Variants in VAV2 observed in about 807,000 individuals in gnomAD.
The protein encoded by VAV2 is guanine nucleotide exchange factor VAV2.
VAV2 carries 67 observed loss-of-function variants against 132.5 expected under a neutral mutation model. That is an observed-to-expected ratio of 0.51 (90% CI 0.42 to 0.62). The LOEUF is 0.62. Among genes scored for constraint, VAV2 ranks in the 20% least tolerant of loss-of-function variants. VAV2 has a pLI of 0.00. For synonymous variants in VAV2, 492 were observed against 443.5 expected, an observed-to-expected ratio of 1.11 and a Z score of -1.37; for missense variants, 938 against 1,153.6, an observed-to-expected ratio of 0.81 and a Z score of 2.71.
chr9:133,990,047 G>A (rs531365687), intron 1 of VAV2, among the ~76,000 whole-genome samples: 19 of 152,326 alleles, frequency 1.2e-4, no homozygotes, highest in African/African-American at 4.3e-4. Context: ...GCATGGCTAC[G>A]AGGGGACTGC....
chr9:133,913,792 G>A (rs974897409), intron 2 of VAV2, among the ~76,000 whole-genome samples: 7 of 152,220 alleles, frequency 4.6e-5, no homozygotes, highest in African/African-American at 1.4e-4. Context: ...CCGGCTGTAC[G>A]CTCGTGGGAG....
chr9:133,903,222 G>A (rs895724979), intron 2 of VAV2, among the ~76,000 whole-genome samples: 1 of 152,140 alleles, frequency 6.6e-6, no homozygotes, highest in South Asian at 2.1e-4. Flanking sequence ...GAAGGCACCA[G>A]CCCCGCCGCC....
chr9:133,862,527 T>C (rs760380348), intron 2 of VAV2, among the ~76,000 whole-genome samples: 32 of 152,348 alleles, frequency 2.1e-4, no homozygotes, highest in East Asian at 1.2e-3. Context: ...GCATGTTGCT[T>C]GTGCGTGCTA....
intron 25 of VAV2, 118 bp downstream of exon 25, chr9:133,774,816 TG>T: frequency 2.3e-6 from 2 of 885,904 alleles, no homozygotes; most frequent in Non-Finnish European, 3.6e-6. Flanking sequence ...TGTCCTCACT[TG>T]GCAACAGATG....
In VAV2 at chr9:133,905,402, C is replaced by T. The variant is rs189407082; in HGVS notation, c.321+33701G>A. 3.7e-3 allele frequency among the ~76,000 whole-genome samples: 514 copies of T among 138,878 alleles called. 5 individuals are homozygous for T. Among genetic ancestry groups the T allele is most frequent in the African/African-American group, 0.013 (486 of 37,148 alleles). 91.1% of individuals were successfully genotyped at this position (138,878 alleles called of 152,430 possible). A position where few individuals can be genotyped will look rare whatever the true frequency, so the allele number is the denominator to read the frequency against. ...AGTGAGCCAAGATTGTGCCACTGCA[C>T]TCCAGCCTGGGTGACAGAGTGAAAC... On this transcript the variant is annotated intron_variant, in intron 2 of 29. Transcript: ENST00000371850.
rs1838611759 is a variant in VAV2, at chr9:133,884,220, C to A, written c.322-22788G>T. 6.6e-6 allele frequency among the ~76,000 whole-genome samples: 1 copy of A among 152,128 alleles called. No homozygotes were observed. Among genetic ancestry groups the A allele is most frequent in the African/African-American group, 2.4e-5 (1 of 41,424 alleles). ...GAATCCAAAATAAATGGTAACCAAC[C>A]CCCACGTGCACACGTGCAATGAAGC... On this transcript the variant is annotated intron_variant, in intron 2 of 29. Transcript: ENST00000371850. This position sits in a 1 kb window ranked among gnomAD's most constrained non-coding sequence, Gnocchi z 5.3.
At chr9:133,783,664 C>T (rs1393326785) in intron 18 of VAV2, 73 bp from the exon 19 acceptor site, 22 of 1,400,050 alleles carry the variant, frequency 1.6e-5, no homozygotes. Flanking sequence ...AAGGTCAAGG[C>T]CCTTGTCCCC....
chr9:133,795,265 G>A (rs1834661353), intron 12 of VAV2, among the ~76,000 whole-genome samples: 1 of 152,228 alleles, frequency 6.6e-6, no homozygotes, highest in Non-Finnish European at 1.5e-5. Flanking sequence ...CAGGAGCGAA[G>A]GAGCTCCCCA....
At chr9:133,777,239 G>A in intron 23 of VAV2, 150 bp downstream of exon 23, 2 of 738,484 alleles carry the variant, frequency 2.7e-6, no homozygotes, top group Non-Finnish European at 4.6e-6. Context: ...TCTTCTCTCT[G>A]GGCTCCAGCT....
chr9:133,816,842 C>A (rs1457820688), intron 4 of VAV2, among the ~76,000 whole-genome samples: 1 of 152,232 alleles, frequency 6.6e-6, no homozygotes, highest in Non-Finnish European at 1.5e-5. Flanking sequence ...CTACTCTATT[C>A]CATCCATCTA....
chr9:133,841,439 C>A (rs1278438281), intron 3 of VAV2, among the ~76,000 whole-genome samples: 2 of 152,086 alleles, frequency 1.3e-5, no homozygotes, highest in Non-Finnish European at 2.9e-5. Flanking sequence ...GCCCTGGAGT[C>A]CTGGCCCTGT....
chr9:133,874,813 C>T (rs1838199057), intron 2 of VAV2, among the ~76,000 whole-genome samples: 1 of 152,014 alleles, frequency 6.6e-6, no homozygotes, highest in Admixed American at 6.5e-5. Context: ...CCCTAGGATC[C>T]ATCTCCCTCC....
chr9:133,814,646 C>T (rs923207346), intron 4 of VAV2, among the ~76,000 whole-genome samples: 4 of 152,254 alleles, frequency 2.6e-5, no homozygotes, highest in Admixed American at 2.6e-4. Flanking sequence ...TGGACAGGGG[C>T]CTGGAGATCG....
chr9:133,844,937 A>G (rs1432779284), intron 3 of VAV2, among the ~76,000 whole-genome samples: 3 of 152,254 alleles, frequency 2.0e-5, no homozygotes, highest in Non-Finnish European at 4.4e-5. Context: ...AGCCCCAACC[A>G]GGACAGCTCT....
At chr9:133,796,776 G>A (rs1319304472) in intron 10 of VAV2, among the ~76,000 whole-genome samples, 1 of 152,232 alleles carries the variant, frequency 6.6e-6, no homozygotes, top group African/African-American at 2.4e-5. Flanking sequence ...CACGTGCGAT[G>A]CTACGGAAAC....
chr9:133,841,448 G>GT (rs1458270541), intron 3 of VAV2, among the ~76,000 whole-genome samples: 1 of 152,068 alleles, frequency 6.6e-6, no homozygotes, highest in Non-Finnish European at 1.5e-5. Flanking sequence ...TCCTGGCCCT[G>GT]TTTCCCTGGG....
At position 133,788,629 on chromosome 9, in the gene VAV2, T is replaced by C. The variant is rs1192229371; in HGVS notation, c.1275-143A>G. 1 of 1,219,428 alleles carries C rather than the reference T, an allele frequency of 8.2e-7. No homozygotes were observed. Among genetic ancestry groups the C allele is most frequent in the African/African-American group, 1.5e-5 (1 of 66,266 alleles). 75.5% of individuals were successfully genotyped at this position (1,219,428 alleles called of 1,614,324 possible). The stretch of plus-strand genomic sequence containing the variant: ...GCCCTCACCTGGCTCACCAGGCTAA[T>C]GCTGAGCCTCGGTCAGGTCTCGGCT... On this transcript the variant is annotated intron_variant, in intron 14 of 29. Coordinates refer to ENST00000371850, the MANE Select transcript of VAV2 (RefSeq NM_001134398.2). This position sits in a 1 kb window ranked among gnomAD's most constrained non-coding sequence, Gnocchi z 5.3.
intron 2 of VAV2, among the ~76,000 whole-genome samples, chr9:133,909,573 G>C (rs1839802687): frequency 1.3e-5 from 2 of 152,254 alleles, no homozygotes; most frequent in South Asian, 4.2e-4. Flanking sequence ...AGGATGGAAG[G>C]CTGTGCCATC....
At chr9:133,967,933 CAAAAAAAAAA>C (rs34152925) in intron 1 of VAV2, among the ~76,000 whole-genome samples, 18 of 71,362 alleles carry the variant, frequency 2.5e-4, no homozygotes, top group African/African-American at 9.8e-4. Flanking sequence ...ACTCTATAAC[CAAAAAAAAAA>C]AAAAAAAAAA....
Sources: gnomAD v4.1 joint callset for allele counts (sites outside exome capture counted in the v4.1 genomes callset) on GRCh38, gnomAD v4.1.1 for gene constraint, Gnocchi (gnomAD v3.1) non-coding constraint, MANE v1.5 for transcripts, NCBI Gene and HGNC (gene_info 2026-07-23, HGNC 2026-07-21) for gene names.